PTPN3: variants seen among roughly 807,000 people sequenced by gnomAD.
PTPN3 encodes the protein protein tyrosine phosphatase non-receptor type 3, also known as tyrosine-protein phosphatase non-receptor type 3.
A neutral mutation model predicts 132.7 loss-of-function variants in PTPN3; 96 were observed. The ratio of observed to expected loss-of-function variants is 0.72; its 90% confidence interval spans 0.61 to 0.86. PTPN3 has a LOEUF of 0.86. PTPN3 is among the 40% of genes least tolerant of loss of function. The pLI is 0.00. For synonymous variants in PTPN3, 398 were observed against 429.0 expected, an observed-to-expected ratio of 0.93 and a Z score of 0.89; for missense variants, 1,125 against 1,159.6, an observed-to-expected ratio of 0.97 and a Z score of 0.43.
chr9:109,534,655 A>AC, the PTPN3 span, among the ~76,000 whole-genome samples: 2 of 139,378 alleles, frequency 1.4e-5, no homozygotes, highest in Admixed American at 7.1e-5. Context: ...AAAAAAAAAT[A>AC]CCTGGGCGTG....
the PTPN3 span, among the ~76,000 whole-genome samples, chr9:109,521,057 A>C: frequency 6.6e-6 from 1 of 152,110 alleles, no homozygotes. Context: ...TATACCCTCC[A>C]CTCAAGTGTA....
At chr9:109,396,158 G>C (rs939940191) in intron 19 of PTPN3, among the ~76,000 whole-genome samples, 5 of 152,154 alleles carry the variant, frequency 3.3e-5, no homozygotes, top group African/African-American at 1.2e-4. Flanking sequence ...CACTGCGCCT[G>C]GCCTCAAGTT....
At chr9:109,451,354 C>A in intron 5 of PTPN3, 2 of 974,100 alleles carry the variant, frequency 2.1e-6, no homozygotes, top group Non-Finnish European at 2.4e-6. Flanking sequence ...GTCATAGTTA[C>A]ATTCTACTCC....
At chr9:109,390,908 C>T (rs1201922165) in intron 21 of PTPN3, among the ~76,000 whole-genome samples, 4 of 152,150 alleles carry the variant, frequency 2.6e-5, no homozygotes, top group African/African-American at 9.7e-5. Context: ...AAGTCTGGTC[C>T]CATCTTCTGT....
intron 1 of PTPN3, among the ~76,000 whole-genome samples, chr9:109,480,065 C>T (rs534262130): frequency 2.0e-5 from 3 of 152,284 alleles, no homozygotes; most frequent in East Asian, 1.9e-4. Context: ...TTACATTTTC[C>T]GTAATGACTA....
chr9:109,381,725 C>G lies in PTPN3; in HGVS notation c.2591G>C (p.Arg864Thr). ...TMETAMCLTE[R>T]NLPIYPLDIV... The stretch of plus-strand genomic sequence containing the variant: ...ATCCAGTGGGTAAATGGGCAGGTTC[C>G]TCTCAGTTAGGCACATGGCTGTTTC... Residue 864 changes from arginine to threonine, a missense_variant, in exon 25 of 26, where the codon AGG becomes ACG. Transcript: ENST00000374541. 1.2e-6 allele frequency: 2 copies of G among 1,614,204 alleles called. No homozygotes were observed. Among genetic ancestry groups the G allele is most frequent in the Non-Finnish European group, 8.5e-7 (1 of 1,179,988 alleles).
At chr9:109,513,064 A>C in the PTPN3 span, among the ~76,000 whole-genome samples, 3 of 152,254 alleles carry the variant, frequency 2.0e-5, no homozygotes, top group Admixed American at 6.5e-5. Flanking sequence ...ACTGGGGTGC[A>C]GTGGCACAAA....
chr9:109,452,708 C>T (rs1346000728), intron 5 of PTPN3, among the ~76,000 whole-genome samples: 1 of 151,978 alleles, frequency 6.6e-6, no homozygotes, highest in Non-Finnish European at 1.5e-5. Context: ...ACACATGCAC[C>T]ACCACACCTG....
rs1838521537 is a variant in PTPN3 at position 109,375,945 on chromosome 9, C to A, written c.*3611G>T. The A allele has an allele frequency of 6.6e-6, 1 of 152,230 alleles. No individual in the cohort carries two copies. Among genetic ancestry groups the A allele is most frequent in the African/African-American group, 2.4e-5 (1 of 41,460 alleles). The allele number at this position is 152,230 out of a possible 1,614,324, so 9.4% of individuals were successfully genotyped here. A position where few individuals can be genotyped will look rare whatever the true frequency, so the allele number is the denominator to read the frequency against. On this transcript the variant is annotated 3_prime_UTR_variant, in exon 26 of 26. Transcript: ENST00000374541. ...GGTCCCCGGTCTGAGGTCACAGAAT[C>A]TTTGCCACCTTTACCGAGACTGCTC...
At chr9:109,399,638 T>TC (rs1333811251) in intron 19 of PTPN3, among the ~76,000 whole-genome samples, 2 of 148,460 alleles carry the variant, frequency 1.3e-5, no homozygotes, top group African/African-American at 5.0e-5. Flanking sequence ...GACTTTTTTT[T>TC]CATAAAGGGA....
At chr9:109,422,975 TG>T in intron 12 of PTPN3, 123 bp from the exon 13 acceptor site, 1 of 1,258,610 alleles carries the variant, frequency 7.9e-7, no homozygotes, top group Non-Finnish European at 1.1e-6. Flanking sequence ...GCCAAGGTTA[TG>T]GGGAGTAGAG....
Position 109,381,802 on chromosome 9 carries a change from G to T in PTPN3, c.2529-15C>A. ...CTATTCCAGCACTGGAGAGGGGAGA[G>T]AAGACAGACTTGGGATTTGTCTGAG... On this transcript the variant is annotated splice_polypyrimidine_tract_variant and intron_variant, in intron 24 of 25. Coordinates refer to ENST00000374541, the MANE Select transcript of PTPN3 (RefSeq NM_002829.4). The T allele has an allele frequency of 6.2e-7, 1 of 1,614,180 alleles. No individual in the cohort carries two copies. The highest frequency in any genetic ancestry group is 1.3e-5 in the African/African-American group (1 of 75,062).
chr9:109,386,781 G>A (rs748091479), intron 22 of PTPN3, among the ~76,000 whole-genome samples: 5 of 152,204 alleles, frequency 3.3e-5, no homozygotes, highest in Admixed American at 6.5e-5. Context: ...CCACCAGAGG[G>A]TTTGAGCAGG....
intron 12 of PTPN3, 141 bp downstream of exon 12, chr9:109,426,807 TTA>T (rs1293032573): frequency 6.6e-5 from 60 of 905,506 alleles, no homozygotes; most frequent in Non-Finnish European, 9.7e-5. Flanking sequence ...CGGGAGACTT[TTA>T]GTTATGGTTC....
intron 5 of PTPN3, among the ~76,000 whole-genome samples, chr9:109,453,159 G>C (rs1300733618): frequency 6.6e-6 from 1 of 152,160 alleles, no homozygotes; most frequent in Non-Finnish European, 1.5e-5. Context: ...AGTAGAGGGA[G>C]GAGGTGCACA....
chr9:109,487,429 C>T (rs999124873), intron 1 of PTPN3, among the ~76,000 whole-genome samples: 2 of 152,200 alleles, frequency 1.3e-5, no homozygotes, highest in African/African-American at 4.8e-5. Context: ...CCCTGGCGTC[C>T]GAATGAGTGG....
the PTPN3 span, among the ~76,000 whole-genome samples, chr9:109,529,062 T>G: frequency 2.0e-5 from 3 of 152,160 alleles, no homozygotes; most frequent in Non-Finnish European, 4.4e-5. Context: ...AGGCTGTATG[T>G]TGGTAGTTGT....
In PTPN3 at chr9:109,391,526, C is replaced by T. The variant is rs753318114; in HGVS notation, c.1989G>A (p.Thr663=). The T allele has an allele frequency of 9.3e-6, 15 of 1,613,832 alleles. No homozygotes were observed. The highest frequency in any genetic ancestry group is 2.2e-5 in the South Asian group (2 of 91,054). The change falls in exon 20 of 26, where the codon ACG becomes ACA. Residue 663 remains threonine (T), a synonymous_variant. Coordinates refer to ENST00000374541, the MANE Select transcript of PTPN3 (RefSeq NM_002829.4). Reference sequence around the variant, plus strand: ...CCAAATTTTGAGGCAGCTTTGCAAACGTGATGGCCAAACCTGGCTTTTTTC... The same window carrying T: ...CCAAATTTTGAGGCAGCTTTGCAAATGTGATGGCCAAACCTGGCTTTTTTC... ...LYRKKPGLAI[T]FAKLPQNLDK... is the part of the protein sequence containing the mutation.
chr9:109,501,987 C>T (rs943061624), upstream of PTPN3, among the ~76,000 whole-genome samples: 5 of 152,168 alleles, frequency 3.3e-5, no homozygotes, highest in African/African-American at 9.7e-5. Context: ...GTAGACTGTA[C>T]CTGGCTGAAA....
Sources: allele counts gnomAD v4.1 joint callset (sites outside exome capture counted in the v4.1 genomes callset), GRCh38; gene constraint gnomAD v4.1.1; transcripts MANE v1.5; gene names NCBI Gene and HGNC (gene_info 2026-07-23, HGNC 2026-07-21).